Variants in BCL2L13 observed in about 807,000 individuals in gnomAD.
The protein encoded by BCL2L13 is BCL2 like 13, also known as bcl-2-like protein 13.
A neutral mutation model predicts 25.8 loss-of-function variants in BCL2L13; 13 were observed. That is an observed-to-expected ratio of 0.50 (90% confidence interval 0.33 to 0.80). BCL2L13 has a LOEUF of 0.80. Among genes scored for constraint, BCL2L13 ranks in the 30% least tolerant of loss-of-function variants. BCL2L13 has a pLI of 0.02. For missense variants in BCL2L13, 504 were observed against 574.9 expected (o/e 0.88, Z 1.26); for synonymous variants, 244 against 230.3 (o/e 1.06, Z -0.54).
chr22:17,718,760 G>C (rs2587092), intron 6 of BCL2L13, among the ~76,000 whole-genome samples: 130,393 of 152,192 alleles, frequency 0.86, 56,004 homozygotes, highest in East Asian at 0.94. Context: ...CATAGACCTA[G>C]TTTTTAGGAC....
chr22:17,715,170 ATTTTTTTTTTTTTT>A (rs149600387), intron 6 of BCL2L13, among the ~76,000 whole-genome samples: 4 of 11,040 alleles, frequency 3.6e-4, no homozygotes, highest in African/African-American at 3.9e-4. Context: ...ATATATATAT[ATTTTTTTTTTTTTT>A]TTTTTTTTTT....
intron 6 of BCL2L13, among the ~76,000 whole-genome samples, chr22:17,717,520 C>T (rs902215739): frequency 6.6e-6 from 1 of 152,032 alleles, no homozygotes. Flanking sequence ...AATTCCTGGG[C>T]TCAAGCTTAT....
chr22:17,662,321 A>C, intron 2 of BCL2L13, among the ~76,000 whole-genome samples: 1 of 152,002 alleles, frequency 6.6e-6, no homozygotes, highest in Non-Finnish European at 1.5e-5. Context: ...TACTGAAAAA[A>C]ACAAAAATTA....
chr22:17,669,837 G>A (rs928419566), intron 2 of BCL2L13, among the ~76,000 whole-genome samples: 4 of 152,090 alleles, frequency 2.6e-5, no homozygotes, highest in African/African-American at 2.4e-5. Flanking sequence ...GTGCTGCCTC[G>A]GGACTCTGTT....
chr22:17,645,234 T>A (rs1045399253), intron 1 of BCL2L13, among the ~76,000 whole-genome samples: 4 of 147,764 alleles, frequency 2.7e-5, no homozygotes, highest in African/African-American at 1.0e-4. Context: ...GATTTTTTTT[T>A]TTTTTTTTTT....
At chr22:17,640,270 A>G (rs16980984) in intron 1 of BCL2L13, among the ~76,000 whole-genome samples, 8,939 of 152,282 alleles carry the variant, frequency 0.059, 350 homozygotes, top group African/African-American at 0.095. Flanking sequence ...AAGGGTATTG[A>G]AAATCTTTTT....
chr22:17,678,049 A>T (rs1275908955), intron 2 of BCL2L13, among the ~76,000 whole-genome samples: 1 of 152,022 alleles, frequency 6.6e-6, no homozygotes. Context: ...CTGTCTAGAA[A>T]CATAAAATAT....
chr22:17,631,689 TATATATATATATATA>T (rs2058026162), intron 1 of BCL2L13, among the ~76,000 whole-genome samples: 1 of 64,156 alleles, frequency 1.6e-5, no homozygotes, highest in African/African-American at 5.7e-5. Context: ...TATATATATA[TATATATATATATATA>T]TATTTTTTTT....
chr22:17,641,642 A>AC (rs1262226185), intron 1 of BCL2L13, among the ~76,000 whole-genome samples: 1 of 151,978 alleles, frequency 6.6e-6, no homozygotes, highest in African/African-American at 2.4e-5. Context: ...CACCACAATC[A>AC]TTTTCATCAC....
chr22:17,646,689 A>G (rs1333043079), intron 1 of BCL2L13, among the ~76,000 whole-genome samples: 1 of 136,780 alleles, frequency 7.3e-6, no homozygotes, highest in African/African-American at 3.0e-5. Context: ...CCCTCTCATC[A>G]TTTGAAAAGA....
intron 3 of BCL2L13, among the ~76,000 whole-genome samples, chr22:17,687,162 A>G (rs2059966355): frequency 6.6e-6 from 1 of 152,208 alleles, no homozygotes; most frequent in Admixed American, 6.5e-5. Flanking sequence ...GATGACGGCT[A>G]AATCTTGGGA....
At chr22:17,670,795 G>A (rs988888875) in intron 2 of BCL2L13, among the ~76,000 whole-genome samples, 1 of 152,070 alleles carries the variant, frequency 6.6e-6, no homozygotes, top group East Asian at 1.9e-4. Flanking sequence ...GGTTGATCTC[G>A]ACCACTGTGA....
chr22:17,647,685 A>C (rs866816545), intron 1 of BCL2L13, among the ~76,000 whole-genome samples: 2 of 152,196 alleles, frequency 1.3e-5, no homozygotes, highest in Non-Finnish European at 2.9e-5. Flanking sequence ...GCTGTTACCT[A>C]GCTGTATGAT....
intron 6 of BCL2L13, among the ~76,000 whole-genome samples, chr22:17,721,587 C>T (rs1284492083): frequency 1.8e-4 from 24 of 132,888 alleles, no homozygotes; most frequent in Admixed American, 8.0e-4. Flanking sequence ...TGCAGTGGTG[C>T]GATCTCAGCT....
rs189166110 is a variant in BCL2L13, at chr22:17,710,656, C to T, written c.600+8270C>T. Among the ~76,000 whole-genome samples, 7 of 152,064 alleles carry T rather than the reference C, an allele frequency of 4.6e-5. No homozygotes were observed. In the East Asian group the frequency reaches 1.2e-3, roughly 25 times the overall value. ...CTTTGGGAGGCCGAGGTGGGCAGAT[C>T]ACGAGGTCAGGAGATCGAGACCATC... On this transcript the variant is annotated intron_variant, in intron 6 of 6. Transcript: ENST00000317582.
Position 17,706,812 on chromosome 22 carries a change from G to A in BCL2L13, c.600+4426G>A, listed in dbSNP as rs773709558. 5 of 1,352,124 alleles carry A rather than the reference G, an allele frequency of 3.7e-6. No homozygotes were observed. The Admixed American group carries it at 5.7e-5, about 15-fold the overall frequency. The allele number at this position is 1,352,124 out of a possible 1,614,324, so 83.8% of individuals were successfully genotyped here. On this transcript the variant is annotated intron_variant, in intron 6 of 6. Transcript: ENST00000317582. ...CTGTCTGTCTCCTGGAAAGGGCAGA[G>A]CAAGTCCACTGTGGTAAGGCTTGTA...
intron 6 of BCL2L13, among the ~76,000 whole-genome samples, chr22:17,709,009 G>GC (rs2060665149): frequency 2.0e-5 from 3 of 152,254 alleles, no homozygotes; most frequent in African/African-American, 7.2e-5. Flanking sequence ...GCCGAGGTGG[G>GC]TGACTCACAA....
intron 6 of BCL2L13, among the ~76,000 whole-genome samples, chr22:17,722,756 G>A (rs2061182225): frequency 6.6e-6 from 1 of 152,144 alleles, no homozygotes; most frequent in Non-Finnish European, 1.5e-5. Context: ...TTATATTGGA[G>A]ATTGTATTGA....
At chr22:17,681,764 G>A (rs1043006813) in intron 2 of BCL2L13, among the ~76,000 whole-genome samples, 2 of 152,220 alleles carry the variant, frequency 1.3e-5, no homozygotes, top group Non-Finnish European at 2.9e-5. Flanking sequence ...CAAGAATGGC[G>A]AGAGGCGACA....
Sources: gnomAD v4.1 joint callset for allele counts (sites outside exome capture counted in the v4.1 genomes callset) on GRCh38, gnomAD v4.1.1 for gene constraint, MANE v1.5 for transcripts, NCBI Gene and HGNC (gene_info 2026-07-23, HGNC 2026-07-21) for gene names.